AGBL1: variants seen among roughly 807,000 people sequenced by gnomAD.
The protein encoded by AGBL1 is cytosolic carboxypeptidase 4.
A neutral mutation model predicts 118.9 loss-of-function variants in AGBL1; 130 were observed. The observed-to-expected ratio is 1.09, with a 90% CI of 0.95 to 1.26. AGBL1 has a LOEUF of 1.26. AGBL1 is among the 50% of genes most tolerant of loss of function. AGBL1 has a pLI of 0.00. For synonymous variants in AGBL1, 555 were observed against 478.9 expected (o/e 1.16, Z -2.08); for missense variants, 1,584 against 1,298.1 (o/e 1.22, Z -3.38).
intron 22 of AGBL1, among the ~76,000 whole-genome samples, chr15:86,727,805 T>C (rs2086843124): frequency 6.6e-6 from 1 of 152,202 alleles, no homozygotes; most frequent in Non-Finnish European, 1.5e-5. Flanking sequence ...AATCATTTTG[T>C]GTATCCCTTC....
chr15:86,120,386 C>A (rs1039039997), intron 1 of AGBL1, among the ~76,000 whole-genome samples: 1 of 152,204 alleles, frequency 6.6e-6, no homozygotes, highest in African/African-American at 2.4e-5. Flanking sequence ...TGCCCATTAA[C>A]CTACAGTGTA....
intron 5 of AGBL1, among the ~76,000 whole-genome samples, chr15:86,180,899 C>T (rs1369088937): frequency 6.6e-6 from 1 of 151,944 alleles, no homozygotes; most frequent in Admixed American, 6.5e-5. Context: ...ATACAGATAG[C>T]AAATATGCAC....
chr15:86,997,340 T>G (rs2081389685), intron 24 of AGBL1, among the ~76,000 whole-genome samples: 1 of 152,182 alleles, frequency 6.6e-6, no homozygotes, highest in Admixed American at 6.5e-5. Context: ...CCTGCATCCT[T>G]TCACTTTTGT....
chr15:86,134,922 A>AT (rs34477506), intron 1 of AGBL1, among the ~76,000 whole-genome samples: 40,403 of 147,902 alleles, frequency 0.27, 6,086 homozygotes, highest in Middle Eastern at 0.36. Context: ...AATGGTGCCT[A>AT]TTTTTTTTTT....
At chr15:86,113,582 G>A (rs542035089) in intron 1 of AGBL1, among the ~76,000 whole-genome samples, 3 of 151,986 alleles carry the variant, frequency 2.0e-5, no homozygotes, top group Admixed American at 6.6e-5. Flanking sequence ...CACTGCACCC[G>A]GCCCACCTTT....
At chr15:86,429,476 G>C (rs16977089) in intron 18 of AGBL1, among the ~76,000 whole-genome samples, 6,620 of 152,286 alleles carry the variant, frequency 0.043, 232 homozygotes, top group East Asian at 0.15. Flanking sequence ...TGTCAGCCAT[G>C]CTATCAAACT....
chr15:86,981,218 A>G (rs2081229268), intron 23 of AGBL1, among the ~76,000 whole-genome samples: 1 of 152,180 alleles, frequency 6.6e-6, no homozygotes, highest in African/African-American at 2.4e-5. Flanking sequence ...TCCTCAGTGA[A>G]TATTCTACAA....
intron 23 of AGBL1, among the ~76,000 whole-genome samples, chr15:86,927,918 T>G (rs1046920698): frequency 7.2e-6 from 1 of 138,504 alleles, no homozygotes; most frequent in South Asian, 2.8e-4. Context: ...GACAGCAAAT[T>G]CATAGTTTTA....
At chr15:86,144,628 C>G (rs558338923) in intron 3 of AGBL1, among the ~76,000 whole-genome samples, 1 of 152,178 alleles carries the variant, frequency 6.6e-6, no homozygotes, top group South Asian at 2.1e-4. Context: ...CATATGGACA[C>G]ACAGAGGGGA....
chr15:86,784,519 C>T lies in AGBL1; in HGVS notation c.3158+110083C>T, dbSNP rs139303915. On this transcript the variant is annotated intron_variant, in intron 22 of 22. Transcript: ENST00000614907. ...ATCCTTAGAGATTTTAGTTTATTTG[C>T]CCTTGGGTTCATGATTCTGCTTTCT... 9.7e-3 allele frequency among the ~76,000 whole-genome samples: 1,470 copies of T among 152,260 alleles called. 23 individuals carry two copies. The highest frequency in any genetic ancestry group is 0.051 in the Middle Eastern group (15 of 294).
intron 23 of AGBL1, among the ~76,000 whole-genome samples, chr15:86,923,157 T>G (rs532727334): frequency 6.6e-6 from 1 of 152,188 alleles, no homozygotes; most frequent in East Asian, 1.9e-4. Context: ...CTCTCTCTCT[T>G]ACACCAGATA....
intron 10 of AGBL1, among the ~76,000 whole-genome samples, chr15:86,263,722 G>A (rs530125255): frequency 1.3e-5 from 2 of 152,256 alleles, no homozygotes; most frequent in East Asian, 1.9e-4. Context: ...TGCTGCCATC[G>A]ATATTTTAGA....
At chr15:86,124,255 A>G (rs917880396) in intron 1 of AGBL1, among the ~76,000 whole-genome samples, 4 of 149,404 alleles carry the variant, frequency 2.7e-5, no homozygotes, top group East Asian at 2.0e-4. Context: ...GCTTGAACCC[A>G]GGAGGCAGAG....
At chr15:86,883,041 A>G (rs2079917956) in intron 22 of AGBL1, among the ~76,000 whole-genome samples, 1 of 152,204 alleles carries the variant, frequency 6.6e-6, no homozygotes, top group Admixed American at 6.5e-5. Flanking sequence ...TCTTCACTTT[A>G]CTTTATGAGA....
intron 21 of AGBL1, among the ~76,000 whole-genome samples, chr15:86,585,520 C>G (rs1269337728): frequency 6.6e-6 from 1 of 151,990 alleles, no homozygotes; most frequent in East Asian, 1.9e-4. Flanking sequence ...TGCCACGATG[C>G]CCAGCTATTT....
chr15:86,878,184 G>A (rs975730019), intron 22 of AGBL1, among the ~76,000 whole-genome samples: 2 of 152,212 alleles, frequency 1.3e-5, no homozygotes, highest in African/African-American at 4.8e-5. Context: ...TATGCATGCA[G>A]TATGATTTTG....
intron 21 of AGBL1, among the ~76,000 whole-genome samples, chr15:86,570,488 T>C (rs867046357): frequency 2.5e-4 from 38 of 152,204 alleles, no homozygotes; most frequent in African/African-American, 8.4e-4. Flanking sequence ...TCATAAAGAT[T>C]CCTGGAAAAA....
intron 1 of AGBL1, among the ~76,000 whole-genome samples, chr15:86,097,661 C>T (rs570476491): frequency 6.6e-6 from 1 of 151,702 alleles, no homozygotes; most frequent in African/African-American, 2.4e-5. Flanking sequence ...AACATAATTT[C>T]ATTCTTTTTT....
chr15:86,286,444 C>T (rs1713971888), intron 16 of AGBL1, among the ~76,000 whole-genome samples: 1 of 151,956 alleles, frequency 6.6e-6, no homozygotes, highest in Non-Finnish European at 1.5e-5. Context: ...ACCCTTTCTC[C>T]AACATCTCTC....
Sources: gnomAD v4.1 joint callset for allele counts (sites outside exome capture counted in the v4.1 genomes callset) on GRCh38, gnomAD v4.1.1 for gene constraint, MANE v1.5 for transcripts, NCBI Gene and HGNC (gene_info 2026-07-23, HGNC 2026-07-21) for gene names.